TRMT9B: variants seen among roughly 807,000 people sequenced by gnomAD.
TRMT9B encodes the protein tRNA methyltransferase 9B (putative), also known as probable tRNA methyltransferase 9B.
A neutral mutation model predicts 11.5 loss-of-function variants in TRMT9B; 16 were observed. The ratio of observed to expected loss-of-function variants is 1.39; its 90% CI spans 0.94 to 2.11. The LOEUF (loss-of-function observed/expected upper bound fraction) is 2.11. Ranked by LOEUF, TRMT9B falls within the 30% of genes most tolerant of loss-of-function variation. The pLI is 0.00. For synonymous variants in TRMT9B, 274 were observed against 192.4 expected, an observed-to-expected ratio of 1.42 and a Z score of -3.51; for missense variants, 941 against 553.8, an observed-to-expected ratio of 1.70 and a Z score of -7.02.
At chr8:12,998,165 C>T (rs78037716) in intron 2 of TRMT9B, among the ~76,000 whole-genome samples, 9,438 of 152,194 alleles carry the variant, frequency 0.062, 369 homozygotes, top group African/African-American at 0.11. Context: ...GTATGTACTA[C>T]GAATACTTCT....
intron 1 of TRMT9B, among the ~76,000 whole-genome samples, chr8:12,979,606 A>G (rs966218920): frequency 6.6e-6 from 1 of 152,182 alleles, no homozygotes; most frequent in African/African-American, 2.4e-5. Context: ...TTAACTCCCA[A>G]AGCCTTGCCC....
intron 1 of TRMT9B, among the ~76,000 whole-genome samples, chr8:12,952,995 C>T (rs149707029): frequency 0.053 from 8,136 of 152,160 alleles, 272 homozygotes; most frequent in South Asian, 0.097. Context: ...GCCTCGGCCT[C>T]CCAAAGTGCT....
chr8:13,013,473 A>T (rs991494705), intron 4 of TRMT9B, among the ~76,000 whole-genome samples: 10 of 152,184 alleles, frequency 6.6e-5, no homozygotes, highest in African/African-American at 2.4e-4. Context: ...CATGCCAAAA[A>T]ATGGGGGGAA....
intron 1 of TRMT9B, among the ~76,000 whole-genome samples, chr8:12,966,484 C>T (rs1008184237): frequency 6.6e-6 from 1 of 152,076 alleles, no homozygotes; most frequent in Non-Finnish European, 1.5e-5. Context: ...ATAATTAGCT[C>T]CTATGTTACC....
intron 4 of TRMT9B, among the ~76,000 whole-genome samples, chr8:13,015,961 G>C (rs115703255): frequency 0.02 from 2,980 of 151,624 alleles, 88 homozygotes; most frequent in African/African-American, 0.068. Flanking sequence ...CTATATTATG[G>C]TAGCCAGGCA....
intron 1 of TRMT9B, among the ~76,000 whole-genome samples, chr8:12,969,156 G>C (rs1006997572): frequency 3.3e-5 from 5 of 152,152 alleles, no homozygotes; most frequent in African/African-American, 1.2e-4. Flanking sequence ...GCAGTGAGCT[G>C]AGATTGCGCC....
chr8:12,951,869 C>A (rs945276558), intron 1 of TRMT9B: 42 of 152,068 alleles, frequency 2.8e-4, no homozygotes, highest in Non-Finnish European at 5.1e-4. Flanking sequence ...GAAGGGCTAG[C>A]GAAGCACCCC....
At chr8:12,971,236 C>T (rs546175034) in intron 1 of TRMT9B, among the ~76,000 whole-genome samples, 95 of 152,100 alleles carry the variant, frequency 6.2e-4, no homozygotes, top group African/African-American at 1.7e-3. Context: ...TTTTGTTTCC[C>T]CTTTTTTCAA....
chr8:12,999,658 A>G (rs1168776255), intron 2 of TRMT9B, among the ~76,000 whole-genome samples: 1 of 152,214 alleles, frequency 6.6e-6, no homozygotes, highest in African/African-American at 2.4e-5. Flanking sequence ...CTAACCAAAG[A>G]TGTGTATGAA....
chr8:13,019,865 T>C (rs540949028), intron 4 of TRMT9B, among the ~76,000 whole-genome samples: 37 of 152,334 alleles, frequency 2.4e-4, no homozygotes, highest in African/African-American at 8.9e-4. Flanking sequence ...TGGTGTGTTG[T>C]TCTTCAAACC....
At chr8:13,002,282 C>G (rs111601734) in intron 2 of TRMT9B, among the ~76,000 whole-genome samples, 67 of 152,188 alleles carry the variant, frequency 4.4e-4, no homozygotes, top group Admixed American at 1.5e-3. Flanking sequence ...TTTCCAAGTG[C>G]AACAAAGAAA....
intron 4 of TRMT9B, among the ~76,000 whole-genome samples, chr8:13,017,904 G>T (rs1485973527): frequency 6.6e-6 from 1 of 151,828 alleles, no homozygotes; most frequent in Non-Finnish European, 1.5e-5. Context: ...AATTACAGGT[G>T]TGAGGCACCA....
chr8:12,965,553 G>A (rs1466491495), intron 1 of TRMT9B, among the ~76,000 whole-genome samples: 1 of 152,128 alleles, frequency 6.6e-6, no homozygotes, highest in Admixed American at 6.6e-5. Flanking sequence ...TGACCTGTCT[G>A]ATGACCCGAA....
Position 12,952,581 on chromosome 8 carries a change from T to C in TRMT9B, c.-200+6615T>C, listed in dbSNP as rs116405177. 1.8e-3 allele frequency: 913 copies of C among 508,014 alleles called. 7 individuals carry two copies. Among genetic ancestry groups the C allele is most frequent in the African/African-American group, 0.018 (860 of 48,120 alleles). 31.5% of individuals were successfully genotyped at this position (508,014 alleles called of 1,614,324 possible). On this transcript the variant is annotated intron_variant, in intron 1 of 4. Transcript: ENST00000524591. ...CGTATTTTTTCATGGAGTGCACGTG[T>C]ATCTTTCCCTGGGGAACTGATTTTT...
intron 2 of TRMT9B, among the ~76,000 whole-genome samples, chr8:12,991,298 T>C (rs1227581995): frequency 6.6e-6 from 1 of 152,180 alleles, no homozygotes; most frequent in Non-Finnish European, 1.5e-5. Flanking sequence ...TTAAATGAGA[T>C]TTTTATCACA....
intron 2 of TRMT9B, among the ~76,000 whole-genome samples, chr8:12,993,875 A>T (rs1807847370): frequency 6.6e-6 from 1 of 152,206 alleles, no homozygotes; most frequent in Admixed American, 6.5e-5. Flanking sequence ...AAGAAGGAGG[A>T]TTTGTTGGGA....
At chr8:12,994,962 G>A (rs1378946558) in intron 2 of TRMT9B, among the ~76,000 whole-genome samples, 2 of 152,174 alleles carry the variant, frequency 1.3e-5, no homozygotes, top group African/African-American at 2.4e-5. Flanking sequence ...AATTACAGGC[G>A]TGAGCCCCCG....
At chr8:12,958,345 A>C (rs1235194669) in intron 1 of TRMT9B, 1 of 152,130 alleles carries the variant, frequency 6.6e-6, no homozygotes, top group African/African-American at 2.4e-5. Flanking sequence ...TTAGGTATAT[A>C]CCCAAGTATT....
At chr8:12,949,277 G>A (rs1019078697) in intron 1 of TRMT9B, among the ~76,000 whole-genome samples, 6 of 151,508 alleles carry the variant, frequency 4.0e-5, no homozygotes, top group South Asian at 2.1e-4. Flanking sequence ...ACTGAAAAAC[G>A]TTAAACCTCA....
Sources: allele counts gnomAD v4.1 joint callset (sites outside exome capture counted in the v4.1 genomes callset), GRCh38; gene constraint gnomAD v4.1.1; transcripts MANE v1.5; gene names NCBI Gene and HGNC (gene_info 2026-07-23, HGNC 2026-07-21).